Variants in SGCZ observed in about 807,000 individuals in gnomAD.
The protein encoded by SGCZ is zeta-sarcoglycan.
In SGCZ, 40 loss-of-function variants were observed where a neutral mutation model predicts 41.3. The observed-to-expected ratio is 0.97, with a 90% CI of 0.75 to 1.26. The LOEUF (loss-of-function observed/expected upper bound fraction) is 1.26. SGCZ is among the 50% of genes most tolerant of loss of function. The pLI is 0.00. For synonymous variants in SGCZ, 206 were observed against 137.5 expected (o/e 1.50, Z -3.49); for missense variants, 552 against 369.8 (o/e 1.49, Z -4.04).
intron 1 of SGCZ, among the ~76,000 whole-genome samples, chr8:14,758,731 G>A (rs569939282): frequency 2.0e-5 from 3 of 152,194 alleles, no homozygotes; most frequent in South Asian, 2.1e-4. Context: ...ACAGTAGGCC[G>A]AGTGCGGTGG....
intron 3 of SGCZ, among the ~76,000 whole-genome samples, chr8:14,243,398 G>C (rs1317877967): frequency 6.6e-6 from 1 of 152,098 alleles, no homozygotes; most frequent in Non-Finnish European, 1.5e-5. Flanking sequence ...TTCTCTAACA[G>C]ATTTAAAACT....
chr8:15,066,198 C>G (rs936594995), intron 1 of SGCZ, among the ~76,000 whole-genome samples: 2 of 151,532 alleles, frequency 1.3e-5, no homozygotes, highest in Non-Finnish European at 2.9e-5. Context: ...GTCCCAGCTA[C>G]TGGGGAGGCT....
At chr8:14,378,600 C>T (rs1004887107) in intron 2 of SGCZ, among the ~76,000 whole-genome samples, 2 of 152,028 alleles carry the variant, frequency 1.3e-5, no homozygotes, top group African/African-American at 2.4e-5. Context: ...ACAAACAACC[C>T]CATCAAAAAG....
intron 2 of SGCZ, among the ~76,000 whole-genome samples, chr8:14,511,439 G>A (rs898957204): frequency 3.3e-5 from 5 of 151,920 alleles, no homozygotes; most frequent in African/African-American, 1.2e-4. Flanking sequence ...GAAAAACTGA[G>A]AGTAATTTTT....
intron 2 of SGCZ, among the ~76,000 whole-genome samples, chr8:14,338,038 G>A (rs1242117220): frequency 1.3e-5 from 2 of 152,144 alleles, no homozygotes; most frequent in Non-Finnish European, 2.9e-5. Flanking sequence ...CTGTTCAATT[G>A]GTAGCAGGCA....
At chr8:14,556,417 T>C (rs987810132) in intron 1 of SGCZ, among the ~76,000 whole-genome samples, 2 of 151,696 alleles carry the variant, frequency 1.3e-5, no homozygotes, top group African/African-American at 4.8e-5. Context: ...ATTGACTCAA[T>C]CCTACTGTAG....
At chr8:14,122,719 T>C (rs1299945139) in intron 5 of SGCZ, among the ~76,000 whole-genome samples, 1 of 152,192 alleles carries the variant, frequency 6.6e-6, no homozygotes, top group African/African-American at 2.4e-5. Flanking sequence ...ATTTTCAAGT[T>C]GTGGTCAACT....
intron 5 of SGCZ, among the ~76,000 whole-genome samples, chr8:14,121,250 G>T (rs1453680201): frequency 6.6e-6 from 1 of 151,556 alleles, no homozygotes; most frequent in Non-Finnish European, 1.5e-5. Context: ...ATTATATTCA[G>T]TATTGAATAT....
At chr8:14,142,224 A>T (rs548723719) in intron 5 of SGCZ, among the ~76,000 whole-genome samples, 2 of 152,242 alleles carry the variant, frequency 1.3e-5, no homozygotes, top group South Asian at 2.1e-4. Context: ...GTAAATGACG[A>T]GTTAAGGGGT....
At chr8:14,878,032 A>G (rs80056030) in intron 1 of SGCZ, among the ~76,000 whole-genome samples, 2 of 152,024 alleles carry the variant, frequency 1.3e-5, no homozygotes, top group East Asian at 3.9e-4. Flanking sequence ...CTTTCTTCCC[A>G]AGTAAATGAC....
At chr8:15,173,761 CATTT>C (rs1799917704) in intron 1 of SGCZ, among the ~76,000 whole-genome samples, 1 of 152,082 alleles carries the variant, frequency 6.6e-6, no homozygotes, top group Admixed American at 6.6e-5. Context: ...CAGATTCATT[CATTT>C]ATTTAGAGAC....
intron 1 of SGCZ, among the ~76,000 whole-genome samples, chr8:14,577,060 A>G (rs1040559557): frequency 1.3e-5 from 2 of 152,228 alleles, no homozygotes; most frequent in Admixed American, 6.5e-5. Flanking sequence ...AGATCTTTCA[A>G]TTGCCAAAAG....
intron 1 of SGCZ, among the ~76,000 whole-genome samples, chr8:14,579,841 G>T (rs1445890619): frequency 6.6e-6 from 1 of 152,190 alleles, no homozygotes; most frequent in African/African-American, 2.4e-5. Flanking sequence ...GTTAGGTGCA[G>T]TTCTACATTT....
chr8:15,088,646 C>T (rs1468667179), intron 1 of SGCZ, among the ~76,000 whole-genome samples: 1 of 150,830 alleles, frequency 6.6e-6, no homozygotes, highest in African/African-American at 2.5e-5. Flanking sequence ...GAATAGAGCC[C>T]AGATGAGAAA....
chr8:14,651,265 T>C (rs1807389478), intron 1 of SGCZ, among the ~76,000 whole-genome samples: 1 of 152,088 alleles, frequency 6.6e-6, no homozygotes, highest in Non-Finnish European at 1.5e-5. Flanking sequence ...ACAGACTGCA[T>C]TTATGAAACA....
intron 2 of SGCZ, among the ~76,000 whole-genome samples, chr8:14,393,354 A>AC (rs1382852832): frequency 1.4e-5 from 2 of 140,792 alleles, no homozygotes; most frequent in African/African-American, 6.5e-5. Context: ...GCCAGCAGGA[A>AC]CTAGGACTAG....
At chr8:14,966,367 G>GA (rs1238140604) in intron 1 of SGCZ, among the ~76,000 whole-genome samples, 4 of 151,304 alleles carry the variant, frequency 2.6e-5, no homozygotes, top group Admixed American at 2.0e-4. Flanking sequence ...TTATAACCAA[G>GA]AAAAAATTTA....
At chr8:14,239,744 T>C (rs1449687504) in intron 3 of SGCZ, among the ~76,000 whole-genome samples, 1 of 149,944 alleles carries the variant, frequency 6.7e-6, no homozygotes, top group Non-Finnish European at 1.5e-5. Flanking sequence ...CTACTAAAAA[T>C]ACAAAAAATT....
chr8:14,379,115 AG>A (rs1804260177), intron 2 of SGCZ, among the ~76,000 whole-genome samples: 1 of 152,162 alleles, frequency 6.6e-6, no homozygotes, highest in Non-Finnish European at 1.5e-5. Flanking sequence ...ATTCTTCCTG[AG>A]GTATCAGCAA....
Sources: gnomAD v4.1 joint callset for allele counts (sites outside exome capture counted in the v4.1 genomes callset) on GRCh38, gnomAD v4.1.1 for gene constraint, MANE v1.5 for transcripts, NCBI Gene and HGNC (gene_info 2026-07-23, HGNC 2026-07-21) for gene names.